Variants in PCDH9 observed in about 807,000 individuals in gnomAD.
The protein encoded by PCDH9 is protocadherin-9.
A neutral mutation model predicts 70.6 loss-of-function variants in PCDH9; 24 were observed. The observed-to-expected ratio is 0.34, with a 90% CI of 0.25 to 0.48. The LOEUF (loss-of-function observed/expected upper bound fraction) is 0.48. Ranked by LOEUF, PCDH9 falls within the 20% of genes least tolerant of loss-of-function variation. The pLI, the probability that PCDH9 is intolerant of heterozygous loss-of-function variation, is 0.99. For missense variants in PCDH9, 1,281 were observed against 1,503.6 expected, an observed-to-expected ratio of 0.85 and a Z score of 2.45; for synonymous variants, 562 against 558.5, an observed-to-expected ratio of 1.01 and a Z score of -0.09.
chr13:66,723,795 T>C (rs2078971932), intron 3 of PCDH9, among the ~76,000 whole-genome samples: 1 of 152,148 alleles, frequency 6.6e-6, no homozygotes, highest in Non-Finnish European at 1.5e-5. Context: ...ATGCCCAGAA[T>C]ACTAATGAAA....
At chr13:66,844,010 C>A (rs1349009112) in intron 3 of PCDH9, among the ~76,000 whole-genome samples, 1 of 151,810 alleles carries the variant, frequency 6.6e-6, no homozygotes, top group Admixed American at 6.6e-5. Flanking sequence ...CTTTCTAATA[C>A]ATTTTTTTTT....
chr13:66,913,084 G>A (rs2082496339), intron 2 of PCDH9, among the ~76,000 whole-genome samples: 1 of 152,072 alleles, frequency 6.6e-6, no homozygotes, highest in South Asian at 2.1e-4. Context: ...ATGCTTTAAA[G>A]TGGGTTTAAA....
chr13:67,189,141 G>A (rs2088841211), intron 2 of PCDH9, among the ~76,000 whole-genome samples: 1 of 151,312 alleles, frequency 6.6e-6, no homozygotes, highest in Non-Finnish European at 1.5e-5. Context: ...TATATATGAA[G>A]GAATACACAC....
intron 3 of PCDH9, among the ~76,000 whole-genome samples, chr13:66,895,104 G>A (rs184591254): frequency 2.9e-3 from 448 of 152,110 alleles, no homozygotes; most frequent in Middle Eastern, 6.8e-3. Context: ...CACCACGCCC[G>A]GCCAATATTA....
chr13:66,459,191 T>C (rs1594014612), intron 4 of PCDH9, among the ~76,000 whole-genome samples: 1 of 151,970 alleles, frequency 6.6e-6, no homozygotes. Context: ...TTGTTGCCTG[T>C]GGAGAGGTTG....
chr13:66,752,970 T>C (rs1737026240), intron 3 of PCDH9, among the ~76,000 whole-genome samples: 1 of 152,122 alleles, frequency 6.6e-6, no homozygotes, highest in South Asian at 2.1e-4. Context: ...TCAAAAGGAG[T>C]TCTCAAGTAG....
intron 3 of PCDH9, among the ~76,000 whole-genome samples, chr13:66,721,427 C>CTAAGTTAAACAGTCTTAGT (rs1453017958): frequency 6.6e-6 from 1 of 152,134 alleles, no homozygotes; most frequent in Non-Finnish European, 1.5e-5. Flanking sequence ...TTAGTTTAGT[C>CTAAGTTAAACAGTCTTAGT]TAGTGTGTTT....
chr13:66,994,482 G>A (rs1194540753), intron 2 of PCDH9, among the ~76,000 whole-genome samples: 3 of 152,128 alleles, frequency 2.0e-5, no homozygotes, highest in Admixed American at 6.5e-5. Context: ...TGGTGGGTTT[G>A]GAGCTGAAAG....
At chr13:66,878,137 G>C (rs9540941) in intron 3 of PCDH9, among the ~76,000 whole-genome samples, 17,097 of 152,212 alleles carry the variant, frequency 0.11, 1,241 homozygotes, top group Middle Eastern at 0.19. Context: ...ATGAAACAGT[G>C]AGATGAGTAA....
At chr13:66,998,028 T>C (rs944421552) in intron 2 of PCDH9, among the ~76,000 whole-genome samples, 45 of 152,338 alleles carry the variant, frequency 3.0e-4, no homozygotes, top group African/African-American at 1.1e-3. Context: ...GATATGTAGA[T>C]GCAGATTGTG....
At chr13:66,924,522 A>T (rs1236851577) in intron 2 of PCDH9, among the ~76,000 whole-genome samples, 4 of 151,720 alleles carry the variant, frequency 2.6e-5, no homozygotes, top group Non-Finnish European at 4.4e-5. Context: ...AGATTCTACC[A>T]GTACTTAAAT....
chr13:66,384,053 T>C (rs537961587), intron 4 of PCDH9, among the ~76,000 whole-genome samples: 21 of 152,260 alleles, frequency 1.4e-4, no homozygotes, highest in African/African-American at 4.6e-4. Flanking sequence ...TGAAATTTTA[T>C]ATAAATAATT....
chr13:66,363,323 C>G (rs538779999), intron 4 of PCDH9, among the ~76,000 whole-genome samples: 1 of 152,104 alleles, frequency 6.6e-6, no homozygotes, highest in South Asian at 2.1e-4. Flanking sequence ...ATTTAGGATA[C>G]AATATATTCT....
At chr13:66,867,561 CAT>C (rs1190194393) in intron 3 of PCDH9, among the ~76,000 whole-genome samples, 1 of 151,968 alleles carries the variant, frequency 6.6e-6, no homozygotes, top group African/African-American at 2.4e-5. Context: ...ACCTTAAAAA[CAT>C]AGAACGTGCT....
chr13:67,017,322 G>A (rs758718530), intron 2 of PCDH9, among the ~76,000 whole-genome samples: 2 of 152,120 alleles, frequency 1.3e-5, no homozygotes, highest in Non-Finnish European at 2.9e-5. Context: ...ACGTTCATTC[G>A]GTTTTACTAT....
intron 2 of PCDH9, among the ~76,000 whole-genome samples, chr13:67,156,403 G>A (rs1031995192): frequency 1.3e-5 from 2 of 152,056 alleles, no homozygotes; most frequent in South Asian, 4.1e-4. Context: ...TCTGGATGGC[G>A]AGAGGATGTT....
intron 2 of PCDH9, among the ~76,000 whole-genome samples, chr13:67,074,613 G>A (rs2085840949): frequency 1.3e-5 from 2 of 152,098 alleles, no homozygotes; most frequent in Non-Finnish European, 2.9e-5. Flanking sequence ...CACTCAAGAA[G>A]TTGTTTCATT....
At chr13:66,920,492 A>G (rs1566293618) in intron 2 of PCDH9, among the ~76,000 whole-genome samples, 1 of 151,016 alleles carries the variant, frequency 6.6e-6, no homozygotes. Flanking sequence ...GGTTTACCTC[A>G]GCACATAATT....
intron 4 of PCDH9, among the ~76,000 whole-genome samples, chr13:66,501,024 A>G (rs1197999297): frequency 6.6e-6 from 1 of 152,114 alleles, no homozygotes; most frequent in African/African-American, 2.4e-5. Flanking sequence ...ATTATATTTC[A>G]AACAGCTGAA....
Sources: allele counts gnomAD v4.1 joint callset (sites outside exome capture counted in the v4.1 genomes callset), GRCh38; gene constraint gnomAD v4.1.1; transcripts MANE v1.5; gene names NCBI Gene and HGNC (gene_info 2026-07-23, HGNC 2026-07-21).